Variants in PEF1 observed in about 807,000 individuals in gnomAD.
PEF1 encodes peflin.
In PEF1, 17 loss-of-function variants were observed where a neutral mutation model predicts 32.0. The observed-to-expected ratio is 0.53, with a 90% CI of 0.36 to 0.80. PEF1 has a LOEUF of 0.80. Among genes scored for constraint, PEF1 ranks in the 30% least tolerant of loss-of-function variants. PEF1 has a pLI of 0.00. For missense variants in PEF1, 362 were observed against 369.1 expected (o/e 0.98, Z 0.16); for synonymous variants, 130 against 139.8 (o/e 0.93, Z 0.50).
intron 1 of PEF1, among the ~76,000 whole-genome samples, chr1:31,642,669 CTT>C (rs777619006): frequency 6.6e-6 from 1 of 152,168 alleles, no homozygotes; most frequent in Non-Finnish European, 1.5e-5. Context: ...ATTCCAGACT[CTT>C]CTCTCTGTGC....
In PEF1 at chr1:31,632,472, C is replaced by A. The variant is rs748792832; in HGVS notation, c.625+23G>T. ...AAGAGTCTAGCTCTGTCCTGCCCAT[C>A]GTGCCCCGGCCATGACCCGCACCTT... is the stretch of plus-strand genomic sequence containing the variant. On this transcript the variant is annotated intron_variant, in intron 4 of 4. Coordinates refer to ENST00000373703, the MANE Select transcript of PEF1 (RefSeq NM_012392.4). The A allele has an allele frequency of 3.7e-6, 6 of 1,614,234 alleles. No homozygotes were observed. The South Asian group carries it at 5.5e-5, about 15-fold the overall frequency.
intron 1 of PEF1, chr1:31,644,332 C>T: frequency 1.0e-6 from 1 of 978,952 alleles, no homozygotes; most frequent in Non-Finnish European, 1.2e-6. Context: ...CACTTTTCTA[C>T]ACGCGAAATG....
rs777221074 is a variant in PEF1 at position 31,635,422 on chromosome 1, G to C, written c.125C>G (p.Pro42Arg). 1.2e-6 allele frequency: 2 copies of C among 1,612,352 alleles called. No homozygotes were observed. Among genetic ancestry groups the C allele is most frequent in the Non-Finnish European group, 1.7e-6 (2 of 1,179,266 alleles). Residue 42 changes from proline to arginine, a missense_variant, in exon 2 of 5, where the codon CCT (proline) becomes CGT (arginine). Pro to Arg is a moderately radical substitution (Grantham distance 103, BLOSUM62 -2). Coordinates refer to ENST00000373703, the MANE Select transcript of PEF1 (RefSeq NM_012392.4). ...SGGQYGSGLPPGGGYGGPAPG... is the reference protein window; with the variant it reads ...SGGQYGSGLPRGGGYGGPAPG... Reference sequence around the variant, plus strand: ...GGCAGGACCCCCATAACCACCACCAGGGGGTAGCCCACTACCATACTGCCC... The same window carrying C: ...GGCAGGACCCCCATAACCACCACCACGGGGTAGCCCACTACCATACTGCCC...
At chr1:31,638,918 C>A (rs1383252355) in intron 1 of PEF1, among the ~76,000 whole-genome samples, 1 of 152,254 alleles carries the variant, frequency 6.6e-6, no homozygotes, top group African/African-American at 2.4e-5. Flanking sequence ...TGAAGTCCTG[C>A]CCTTAAGGGG....
Position 31,630,642 on chromosome 1 carries a change from C to T in PEF1, c.826G>A (p.Val276Ile), listed in dbSNP as rs779189008. 4.3e-6 allele frequency: 7 copies of T among 1,612,628 alleles called. No homozygotes were observed. The highest frequency in any genetic ancestry group is 2.2e-5 in the East Asian group (1 of 44,882). Residue 276 changes from valine to isoleucine, a missense_variant, in exon 5 of 5, where the codon GTC becomes ATC. By Grantham distance (29) the Val-to-Ile change is conservative. Coordinates refer to ENST00000373703, the MANE Select transcript of PEF1 (RefSeq NM_012392.4). ...AGCATCCGAGAAGCTGTCATGGTGA[C>T]GAAGTCCTCGAAGCTGAGCCGAATG... ...GNIRLSFEDF[V>I]TMTASRML
chr1:31,641,281 C>T (rs1190053089), intron 1 of PEF1, among the ~76,000 whole-genome samples: 14 of 152,182 alleles, frequency 9.2e-5, no homozygotes, highest in Non-Finnish European at 2.9e-5. Context: ...CTCAAATCTC[C>T]TCTACCAGGT....
chr1:31,638,225 A>G (rs1037505970), intron 1 of PEF1, among the ~76,000 whole-genome samples: 4 of 152,130 alleles, frequency 2.6e-5, no homozygotes, highest in Non-Finnish European at 5.9e-5. Context: ...GACAAGAGAA[A>G]TACCCAGAAG....
chr1:31,644,696 T>C, intron 1 of PEF1, 145 bp downstream of exon 1: 1 of 1,514,894 alleles, frequency 6.6e-7, no homozygotes, highest in Non-Finnish European at 8.9e-7. Context: ...GACGGTCCCT[T>C]TTCGGTTCTC....
intron 2 of PEF1, chr1:31,634,734 G>C (rs1259108724): frequency 2.5e-6 from 1 of 403,800 alleles, no homozygotes; most frequent in Non-Finnish European, 5.0e-6. Flanking sequence ...CCCACTGCCT[G>C]GTGGCTTGCA....
chr1:31,639,489 A>C (rs1163109961), intron 1 of PEF1, among the ~76,000 whole-genome samples: 1 of 152,208 alleles, frequency 6.6e-6, no homozygotes, highest in Non-Finnish European at 1.5e-5. Flanking sequence ...CACCACTCTA[A>C]AGAGTTTTGT....
intron 2 of PEF1, 50 bp from the exon 3 acceptor site, chr1:31,633,364 G>A (rs1640168990): frequency 1.9e-6 from 3 of 1,548,180 alleles, no homozygotes; most frequent in Non-Finnish European, 2.6e-6. Flanking sequence ...GGAAGGGCCA[G>A]CCTCAGTAAC....
chr1:31,632,573 T>C lies in PEF1; in HGVS notation c.547A>G (p.Ile183Val), dbSNP rs369403984. 4.3e-6 allele frequency: 7 copies of C among 1,614,180 alleles called. No individual in the cohort carries two copies. The highest frequency in any genetic ancestry group is 1.7e-5 in the Admixed American group (1 of 60,030). ...TGGAAGAGGTTCTTCCACTGCTGGA[T>C]GAATTTCCACAGGGCTGAGAAGCCG... is the stretch of plus-strand genomic sequence containing the variant. ...VYGFSALWKF[I>V]QQWKNLFQQY... Residue 183 changes from isoleucine (I) to valine (V), a missense_variant, in exon 4 of 5, where the codon ATC becomes GTC. Ile to Val is a conservative substitution (Grantham distance 29, BLOSUM62 3). Transcript: ENST00000373703.
In PEF1 at chr1:31,633,155, T is replaced by C. The variant is rs764021323; in HGVS notation, c.481+4A>G. The C allele has an allele frequency of 2.5e-6, 4 of 1,612,468 alleles. No individual in the cohort carries two copies. The highest frequency in any genetic ancestry group is 2.5e-6 in the Non-Finnish European group (3 of 1,179,072). Reference sequence around the variant, plus strand: ...TCAGGCCCAAGGGCAAGGCGGAGACTCACTTATCATCATGAGGCAGGTCTC... The same window carrying C: ...TCAGGCCCAAGGGCAAGGCGGAGACCCACTTATCATCATGAGGCAGGTCTC... On this transcript the variant is annotated splice_donor_region_variant and intron_variant, in intron 3 of 4. Coordinates refer to ENST00000373703, the MANE Select transcript of PEF1 (RefSeq NM_012392.4).
chr1:31,632,463 C>T (rs1018209751), intron 4 of PEF1, 32 bp downstream of exon 4: 2 of 1,614,236 alleles, frequency 1.2e-6, no homozygotes, highest in Admixed American at 3.3e-5. Context: ...CTAGCTCTGT[C>T]CTGCCCATCG....
rs565951841 is a variant in PEF1, at chr1:31,639,462, A to G, written c.25-3940T>C. ...GCCTGGCACCTGCAAGCCTCCACAA[A>G]TATTTGGACAAATGAACACCACTCT... is the stretch of plus-strand genomic sequence containing the variant. On this transcript the variant is annotated intron_variant, in intron 1 of 4. Coordinates refer to ENST00000373703, the MANE Select transcript of PEF1 (RefSeq NM_012392.4). Among the ~76,000 whole-genome samples, 5 of 152,344 alleles carry G rather than the reference A, an allele frequency of 3.3e-5. No homozygotes were observed. In the South Asian group the frequency reaches 1.0e-3, roughly 32 times the overall value.
chr1:31,642,566 T>C (rs1281476886), intron 1 of PEF1, among the ~76,000 whole-genome samples: 1 of 152,178 alleles, frequency 6.6e-6, no homozygotes, highest in Non-Finnish European at 1.5e-5. Flanking sequence ...CTGACTGAGA[T>C]GCTTTAAAAC....
At chr1:31,639,132 A>C (rs939219491) in intron 1 of PEF1, among the ~76,000 whole-genome samples, 3 of 152,246 alleles carry the variant, frequency 2.0e-5, no homozygotes, top group African/African-American at 7.2e-5. Flanking sequence ...CATTTTCCAA[A>C]AGGCAGGCAG....
At chr1:31,644,398 C>T (rs966670201) in intron 1 of PEF1, 2 of 1,022,008 alleles carry the variant, frequency 2.0e-6, no homozygotes, top group Non-Finnish European at 2.3e-6. Context: ...CCTGCTACAA[C>T]CAGAGTTTCC....
chr1:31,633,620 G>A (rs1640176147), intron 2 of PEF1, among the ~76,000 whole-genome samples: 1 of 152,178 alleles, frequency 6.6e-6, no homozygotes, highest in Non-Finnish European at 1.5e-5. Context: ...AGAATTCTCT[G>A]GAAAAGGTAA....
Sources: gnomAD v4.1 joint callset for allele counts (sites outside exome capture counted in the v4.1 genomes callset) on GRCh38, gnomAD v4.1.1 for gene constraint, MANE v1.5 for transcripts, NCBI Gene and HGNC (gene_info 2026-07-23, HGNC 2026-07-21) for gene names.